VTI1A: variants seen among roughly 807,000 people sequenced by gnomAD.
The protein encoded by VTI1A is vesicle transport through interaction with t-SNAREs 1A, also known as vesicle transport through interaction with t-SNAREs homolog 1A.
A neutral mutation model predicts 34.9 loss-of-function variants in VTI1A; 22 were observed. That is an observed-to-expected ratio of 0.63 (90% confidence interval 0.45 to 0.90). The LOEUF is 0.90. Among genes scored for constraint, VTI1A ranks in the 40% least tolerant of loss-of-function variants. The pLI, the probability that VTI1A is intolerant of heterozygous loss-of-function variation, is 0.00. For missense variants in VTI1A, 268 were observed against 275.6 expected (o/e 0.97, Z 0.20); for synonymous variants, 87 against 97.3 (o/e 0.89, Z 0.62).
rs374426091 is a variant in VTI1A, at chr10:112,623,673, T to C, written c.428-44545T>C. Among the ~76,000 whole-genome samples, 4 of 152,206 alleles carry C rather than the reference T, an allele frequency of 2.6e-5. No individual in the cohort carries two copies. The East Asian group carries it at 5.8e-4, about 22-fold the overall frequency. Reference sequence around the variant, plus strand: ...CTTCCCAAAAGGCACTGGGACTTACTACCCAAGCCTGGAGGTGTTTTATAA... The same window carrying C: ...CTTCCCAAAAGGCACTGGGACTTACCACCCAAGCCTGGAGGTGTTTTATAA... On this transcript the variant is annotated intron_variant, in intron 5 of 7. Transcript: ENST00000393077.
At chr10:112,612,975 A>G (rs1433359041) in intron 5 of VTI1A, among the ~76,000 whole-genome samples, 1 of 152,166 alleles carries the variant, frequency 6.6e-6, no homozygotes, top group Non-Finnish European at 1.5e-5. Context: ...TGAGGTAGGA[A>G]ACAGACCATT....
intron 7 of VTI1A, among the ~76,000 whole-genome samples, chr10:112,790,412 A>G (rs1373608029): frequency 6.6e-6 from 1 of 152,166 alleles, no homozygotes; most frequent in Admixed American, 6.5e-5. Flanking sequence ...CTTATCTAGC[A>G]CTTCTGTGGC....
At chr10:112,621,417 G>A (rs1043560872) in intron 5 of VTI1A, among the ~76,000 whole-genome samples, 3 of 152,128 alleles carry the variant, frequency 2.0e-5, no homozygotes, top group African/African-American at 7.2e-5. Flanking sequence ...GTTGGACTTA[G>A]GTACACTTCA....
intron 5 of VTI1A, among the ~76,000 whole-genome samples, chr10:112,659,668 T>G (rs1440989888): frequency 6.6e-6 from 1 of 152,210 alleles, no homozygotes; most frequent in Non-Finnish European, 1.5e-5. Context: ...GAGAAGGTAG[T>G]GTTAAAACAT....
chr10:112,535,858 G>A (rs1294982451), intron 4 of VTI1A, among the ~76,000 whole-genome samples: 1 of 152,170 alleles, frequency 6.6e-6, no homozygotes, highest in Non-Finnish European at 1.5e-5. Flanking sequence ...GCTGTTTCAA[G>A]AACTTGATTT....
At chr10:112,794,845 T>A (rs1038528173) in intron 7 of VTI1A, among the ~76,000 whole-genome samples, 3 of 152,232 alleles carry the variant, frequency 2.0e-5, no homozygotes, top group African/African-American at 7.2e-5. Flanking sequence ...ATAGTCTTAA[T>A]AATAATTCTG....
intron 5 of VTI1A, among the ~76,000 whole-genome samples, chr10:112,592,533 T>C (rs1490869995): frequency 6.6e-6 from 1 of 152,206 alleles, no homozygotes; most frequent in South Asian, 2.1e-4. Flanking sequence ...GCATCTTCAT[T>C]AGACTCCATA....
chr10:112,816,222 C>T lies in VTI1A; in HGVS notation c.*839C>T. On this transcript the variant is annotated 3_prime_UTR_variant, in exon 8 of 8. Transcript: ENST00000393077. ...AATATCTGCACTGCCAAAAGCAGTC[C>T]TCATACTTGCAAAAGGTCTGACAAG... is the stretch of plus-strand genomic sequence containing the variant. The T allele has an allele frequency of 4.6e-6, 1 of 216,118 alleles. No individual in the cohort carries two copies. The highest frequency in any genetic ancestry group is 6.9e-5 in the East Asian group (1 of 14,490). The allele number at this position is 216,118 out of a possible 1,614,324, so 13.4% of individuals were successfully genotyped here.
intron 3 of VTI1A, among the ~76,000 whole-genome samples, chr10:112,490,210 T>C (rs1215465822): frequency 6.6e-6 from 1 of 152,214 alleles, no homozygotes. Context: ...TTAAAATAAA[T>C]GTATTTCTGC....
At chr10:112,698,908 G>A (rs1390124213) in intron 7 of VTI1A, among the ~76,000 whole-genome samples, 1 of 152,130 alleles carries the variant, frequency 6.6e-6, no homozygotes, top group African/African-American at 2.4e-5. Flanking sequence ...TGTTCCTTCA[G>A]TCCACCAGAG....
intron 1 of VTI1A, among the ~76,000 whole-genome samples, chr10:112,458,759 C>G (rs1364572512): frequency 2.6e-5 from 4 of 151,860 alleles, no homozygotes; most frequent in Non-Finnish European, 4.4e-5. Flanking sequence ...CTCTACCTCC[C>G]GGGTTCAAGC....
At chr10:112,716,956 G>A (rs1302924229) in intron 7 of VTI1A, among the ~76,000 whole-genome samples, 1 of 152,170 alleles carries the variant, frequency 6.6e-6, no homozygotes, top group African/African-American at 2.4e-5. Context: ...CACCCCAAGA[G>A]CCCCTTGCCA....
chr10:112,688,057 G>A (rs1046758105), intron 7 of VTI1A, among the ~76,000 whole-genome samples: 1 of 149,932 alleles, frequency 6.7e-6, no homozygotes, highest in Non-Finnish European at 1.5e-5. Flanking sequence ...AGGTTCAAGC[G>A]ATTCTCCTGC....
intron 7 of VTI1A, among the ~76,000 whole-genome samples, chr10:112,710,536 A>G (rs1330231496): frequency 6.6e-6 from 1 of 152,210 alleles, no homozygotes; most frequent in Non-Finnish European, 1.5e-5. Flanking sequence ...GTATTCACTT[A>G]GTGCTACTGC....
chr10:112,793,171 G>GC (rs1852547968), intron 7 of VTI1A, among the ~76,000 whole-genome samples: 1 of 152,194 alleles, frequency 6.6e-6, no homozygotes, highest in Non-Finnish European at 1.5e-5. Context: ...ATTTCAGACA[G>GC]CGTTAGGAGG....
chr10:112,748,480 G>A (rs960325473), intron 7 of VTI1A, among the ~76,000 whole-genome samples: 1 of 152,102 alleles, frequency 6.6e-6, no homozygotes, highest in African/African-American at 2.4e-5. Context: ...TTCCACAGCA[G>A]AGATGCAGGG....
At chr10:112,549,082 C>T (rs541039924) in intron 5 of VTI1A, among the ~76,000 whole-genome samples, 7 of 152,246 alleles carry the variant, frequency 4.6e-5, no homozygotes, top group African/African-American at 1.7e-4. Context: ...ACATCTGCCG[C>T]CCCCTACCAC....
intron 7 of VTI1A, among the ~76,000 whole-genome samples, chr10:112,755,199 C>T (rs996478117): frequency 1.3e-5 from 2 of 151,782 alleles, no homozygotes; most frequent in Admixed American, 6.6e-5. Flanking sequence ...GAGGTTGCAG[C>T]GAGCCGAGAT....
chr10:112,774,815 G>A (rs997074864), intron 7 of VTI1A, among the ~76,000 whole-genome samples: 15 of 152,088 alleles, frequency 9.9e-5, no homozygotes, highest in African/African-American at 1.4e-4. Context: ...AACAGATTTC[G>A]TGTGTGTGCA....
Sources: gnomAD v4.1 joint callset for allele counts (sites outside exome capture counted in the v4.1 genomes callset) on GRCh38, gnomAD v4.1.1 for gene constraint, MANE v1.5 for transcripts, NCBI Gene and HGNC (gene_info 2026-07-23, HGNC 2026-07-21) for gene names.